The following CBX2 variants were observed in gnomAD, a reference collection of about 807,000 sequenced individuals.
CBX2 encodes chromobox protein homolog 2.
In CBX2, 11 loss-of-function variants were observed where a neutral mutation model predicts 21.0. The observed-to-expected ratio is 0.52, with a 90% CI of 0.33 to 0.87. The LOEUF (loss-of-function observed/expected upper bound fraction) is 0.87, where lower values mean the gene tolerates loss of function less well. CBX2 is among the 40% of genes least tolerant of loss of function. CBX2 has a pLI of 0.02. For missense variants in CBX2, 746 were observed against 724.3 expected, an observed-to-expected ratio of 1.03 and a Z score of -0.34; for synonymous variants, 364 against 304.6, an observed-to-expected ratio of 1.19 and a Z score of -2.03.
intron 3 of CBX2, 134 bp from the exon 4 acceptor site, chr17:79,781,562 G>A (rs1555830219): frequency 1.3e-6 from 1 of 795,718 alleles, no homozygotes; most frequent in Non-Finnish European, 2.2e-6. Flanking sequence ...TTGGGTATTT[G>A]ATGATGTGTT....
intron 4 of CBX2, 159 bp downstream of exon 4, chr17:79,781,960 T>C: frequency 6.2e-7 from 1 of 1,614,162 alleles, no homozygotes; most frequent in Non-Finnish European, 8.5e-7. Flanking sequence ...TCTTCCTGTC[T>C]CTCAGCTTCT....
chr17:79,778,377 C>A lies in CBX2; in HGVS notation c.73-7C>A, dbSNP rs2145819464. ...TCTGGCTCACGGCCCCTCTTCTCTC[C>A]CCGCAGGGCAAGCTGGAGTACCTGG... On this transcript the variant is annotated splice_polypyrimidine_tract_variant and splice_region_variant and intron_variant, in intron 1 of 4. Transcript: ENST00000310942. The surrounding 1 kb of genome is among the most constrained non-coding windows in gnomAD (Gnocchi z 4.8). 6.3e-7 allele frequency: 1 copy of A among 1,584,504 alleles called. No homozygotes were observed. Among genetic ancestry groups the A allele is most frequent in the Non-Finnish European group, 8.5e-7 (1 of 1,170,288 alleles).
chr17:79,779,250 C>T (rs1906978767), intron 2 of CBX2, 112 bp from the exon 3 acceptor site: 1 of 975,148 alleles, frequency 1.0e-6, no homozygotes, highest in Non-Finnish European at 1.6e-6. Flanking sequence ...GCTACGGTGC[C>T]ACTGCCATCG....
At chr17:79,779,604 C>T (rs530580805) in intron 3 of CBX2, 177 bp downstream of exon 3, 8 of 634,172 alleles carry the variant, frequency 1.3e-5, no homozygotes, top group African/African-American at 1.1e-4. Flanking sequence ...CCAGCCAGCC[C>T]CTCTCCCACC....
At position 79,781,709 on chromosome 17, in the gene CBX2, G is replaced by C; in HGVS notation, c.196G>C (p.Glu66Gln). ...LAFQKKEHEKEVQNRKRGKRP... is the reference protein window; with the variant it reads ...LAFQKKEHEKQVQNRKRGKRP... ...GTGTGCCTTCAGGGAACATGAGAAG[G>C]AGGTGCAGAACCGGAAGAGAGGCAA... Residue 66 changes from glutamate (E) to glutamine (Q), a missense_variant, in exon 4 of 5, where the codon GAG (glutamate) becomes CAG (glutamine). Around this residue, in one of 2 missense-constraint regions of CBX2, gnomAD observed 701 missense variants for 650.7 expected, o/e 1.08. Transcript: ENST00000310942. 6.2e-7 allele frequency: 1 copy of C among 1,613,978 alleles called. No homozygotes were observed. The highest frequency in any genetic ancestry group is 1.1e-5 in the South Asian group (1 of 91,076).
chr17:79,779,325 C>T, intron 2 of CBX2, 37 bp from the exon 3 acceptor site: 2 of 1,603,110 alleles, frequency 1.2e-6, no homozygotes, highest in East Asian at 2.2e-5. Context: ...TGATCATCAG[C>T]CTGGCGTCTA....
Position 79,784,651 on chromosome 17 carries a change from C to T in CBX2, c.1208C>T (p.Thr403Ile), listed in dbSNP as rs781907844. The T allele has an allele frequency of 1.2e-6, 2 of 1,612,398 alleles. No individual in the cohort carries two copies. The highest frequency in any genetic ancestry group is 1.7e-5 in the Admixed American group (1 of 60,000). The part of the protein sequence containing the change: ...GSGLIGASGA[T>I]MPTDTSKSEK... Reference sequence around the variant, plus strand: ...GGCCTCATTGGGGCCAGCGGGGCCACCATGCCCACCGACACAAGCAAAAGT... The same window carrying T: ...GGCCTCATTGGGGCCAGCGGGGCCATCATGCCCACCGACACAAGCAAAAGT... Residue 403 changes from threonine (T) to isoleucine (I), a missense_variant, in exon 5 of 5, where the codon ACC becomes ATC. Around this residue, in one of 2 missense-constraint regions of CBX2, gnomAD observed 701 missense variants for 650.7 expected, o/e 1.08. Transcript: ENST00000310942. This position sits in a 1 kb window ranked among gnomAD's most constrained non-coding sequence, Gnocchi z 5.9.
chr17:79,777,661 G>T (rs1329478037), upstream of CBX2, among the ~76,000 whole-genome samples: 1 of 152,066 alleles, frequency 6.6e-6, no homozygotes, highest in African/African-American at 2.4e-5. Context: ...CGCTGCCGAG[G>T]AAAAGCCAGT....
chr17:79,782,212 C>G (rs1907276822), intron 4 of CBX2: 2 of 1,605,938 alleles, frequency 1.2e-6, no homozygotes, highest in Non-Finnish European at 8.5e-7. Context: ...CTACTCCGGG[C>G]CCACCTGCGG....
chr17:79,784,878 A>G lies in CBX2; in HGVS notation c.1435A>G (p.Thr479Ala), dbSNP rs782393800. The change falls in exon 5 of 5, where the codon ACT becomes GCT. Residue 479 changes from threonine to alanine, a missense_variant. Thr to Ala is a moderately conservative substitution (Grantham distance 58). This residue lies in a region of CBX2 where 701 missense variants were observed against 650.7 expected (regional missense o/e 1.08). Transcript: ENST00000310942. The surrounding 1 kb of genome is among the most constrained non-coding windows in gnomAD (Gnocchi z 5.9). ...SDPDSASPPS[T>A]GQNPSVSVQT... ...CCCCGACTCCGCCTCGCCGCCCAGC[A>G]CTGGACAGAACCCGTCAGTGTCCGT... 9.3e-6 allele frequency: 15 copies of G among 1,613,348 alleles called. No individual in the cohort carries two copies. The South Asian group carries it at 1.5e-4, about 17-fold the overall frequency.
At chr17:79,781,088 C>G (rs950364169) in intron 3 of CBX2, among the ~76,000 whole-genome samples, 1 of 152,020 alleles carries the variant, frequency 6.6e-6, no homozygotes, top group Admixed American at 6.6e-5. Context: ...GTGGTGCGTG[C>G]ATTGAGCCTT....
chr17:79,781,427 CAG>C lies in CBX2; in HGVS notation c.183-265_183-264del, dbSNP rs149220406. ...GCACCTGCAGGAAGCTGTCTTAAGT[CAG>C]AGAATACTGGGGCGTCATTGTTTTC... On this transcript the variant is annotated intron_variant, in intron 3 of 4. Transcript: ENST00000310942. Among the ~76,000 whole-genome samples, 110 of 152,276 alleles carry C rather than the reference CAG, an allele frequency of 7.2e-4. 1 individual carries two copies. In the East Asian group the frequency reaches 0.018, roughly 25 times the overall value.
chr17:79,778,214 G>T lies in CBX2; in HGVS notation c.-22G>T. ...CGGGTGACTGGCGGCGGGCGCCGCGGTCGGGCTGGCTGCCGGGCAGCATGG... is the reference window on the plus strand; with the variant it reads ...CGGGTGACTGGCGGCGGGCGCCGCGTTCGGGCTGGCTGCCGGGCAGCATGG... On this transcript the variant is annotated 5_prime_UTR_variant, in exon 1 of 5. Coordinates refer to ENST00000310942, the MANE Select transcript of CBX2 (RefSeq NM_005189.3). This position sits in a 1 kb window ranked among gnomAD's most constrained non-coding sequence, Gnocchi z 4.8. 7.5e-7 allele frequency: 1 copy of T among 1,327,848 alleles called. No individual in the cohort carries two copies. The highest frequency in any genetic ancestry group is 9.6e-7 in the Non-Finnish European group (1 of 1,037,366). 82.3% of individuals were successfully genotyped at this position (1,327,848 alleles called of 1,614,324 possible).
Position 79,783,890 on chromosome 17 carries a change from C to A in CBX2, c.447C>A (p.Ile149=). The A allele has an allele frequency of 4.3e-6, 7 of 1,614,092 alleles. No individual in the cohort carries two copies. The highest frequency in any genetic ancestry group is 5.9e-6 in the Non-Finnish European group (7 of 1,180,020). ...CAGTGCCGCAGAAGAAGGCCCAGAT[C>A]CTGGTGGCCAAACCCGAGCTGAAGG... is the stretch of plus-strand genomic sequence containing the variant. ...THPVPQKKAQ[I]LVAKPELKDP... The change falls in exon 5 of 5, where the codon ATC becomes ATA. Residue 149 remains isoleucine, a synonymous_variant. Coordinates refer to ENST00000310942, the MANE Select transcript of CBX2 (RefSeq NM_005189.3).
chr17:79,778,325 G>T lies in CBX2; in HGVS notation c.72+18G>T. 6.4e-7 allele frequency: 1 copy of T among 1,564,410 alleles called. No individual in the cohort carries two copies. On this transcript the variant is annotated intron_variant, in intron 1 of 4. Transcript: ENST00000310942. The surrounding 1 kb of genome is among the most constrained non-coding windows in gnomAD (Gnocchi z 4.8). ...TCCGCAAGGTGCGTGCGGCCCGCCG[G>T]GCCCCCCGCCCGCCGCCCGCTGTCC...
Position 79,784,064 on chromosome 17 carries a change from C to T in CBX2, c.621C>T (p.Pro207=), listed in dbSNP as rs374165267. Residue 207 remains proline, a synonymous_variant, in exon 5 of 5, where the codon CCC becomes CCT. Coordinates refer to ENST00000310942, the MANE Select transcript of CBX2 (RefSeq NM_005189.3). This position sits in a 1 kb window ranked among gnomAD's most constrained non-coding sequence, Gnocchi z 5.9. ...AGCTGCCCCCTCCACTCAGCGCCCC[C>T]GTTGCAGGCCTGGCAGCTCTGAAGG... ...ASKLPPPLSA[P]VAGLAALKAH... The T allele has an allele frequency of 6.8e-6, 11 of 1,612,532 alleles. No homozygotes were observed. The highest frequency in any genetic ancestry group is 2.2e-5 in the East Asian group (1 of 44,876).
At chr17:79,780,516 A>G (rs2145822558) in intron 3 of CBX2, among the ~76,000 whole-genome samples, 1 of 152,272 alleles carries the variant, frequency 6.6e-6, no homozygotes, top group Middle Eastern at 3.4e-3. Context: ...CCCACTTCAG[A>G]GGCTGGTGCG....
Position 79,783,766 on chromosome 17 carries a change from G to A in CBX2, c.323G>A (p.Ser108Asn), listed in dbSNP as rs1907408341. ...GCTCCCTCCAAATCCAAGTCCAGCA[G>A]TTCCTCCTCTTCCTCCACGTCATCC... is the stretch of plus-strand genomic sequence containing the variant. ...PDAPSKSKSSSSSSSSTSSSS... is the reference protein window; with the variant it reads ...PDAPSKSKSSNSSSSSTSSSS... The change falls in exon 5 of 5, where the codon AGT becomes AAT. Residue 108 changes from serine (S) to asparagine (N), a missense_variant. Physicochemically the swap from Ser to Asn is conservative, Grantham distance 46. Coordinates refer to ENST00000310942, the MANE Select transcript of CBX2 (RefSeq NM_005189.3). 6.4e-7 allele frequency: 1 copy of A among 1,557,414 alleles called. No homozygotes were observed. The highest frequency in any genetic ancestry group is 1.4e-5 in the African/African-American group (1 of 73,296).
In CBX2 at chr17:79,781,714, G is replaced by A. The variant is rs782676850; in HGVS notation, c.201G>A (p.Val67=). 1.5e-5 allele frequency: 25 copies of A among 1,613,862 alleles called. No individual in the cohort carries two copies. Among genetic ancestry groups the A allele is most frequent in the South Asian group, 2.2e-5 (2 of 91,084 alleles). The change falls in exon 4 of 5, where the codon GTG becomes GTA. Residue 67 remains valine, a synonymous_variant. Coordinates refer to ENST00000310942, the MANE Select transcript of CBX2 (RefSeq NM_005189.3). ...AFQKKEHEKE[V]QNRKRGKRPR... is the part of the protein sequence containing the mutation. ...CCTTCAGGGAACATGAGAAGGAGGTGCAGAACCGGAAGAGAGGCAAGAGGC... is the reference window on the plus strand; with the variant it reads ...CCTTCAGGGAACATGAGAAGGAGGTACAGAACCGGAAGAGAGGCAAGAGGC...
Sources: gnomAD v4.1 joint callset for allele counts (sites outside exome capture counted in the v4.1 genomes callset) on GRCh38, gnomAD v4.1.1 for gene constraint, gnomAD v4.1.1 regional missense constraint, Gnocchi (gnomAD v3.1) non-coding constraint, MANE v1.5 for transcripts, NCBI Gene and HGNC (gene_info 2026-07-23, HGNC 2026-07-21) for gene names.